Variants in CAMK1D observed in about 807,000 individuals in gnomAD.
CAMK1D encodes calcium/calmodulin-dependent protein kinase type 1D.
In CAMK1D, 9 loss-of-function variants were observed where a neutral mutation model predicts 47.7. The ratio of observed to expected loss-of-function variants is 0.19; its 90% CI spans 0.11 to 0.33. The LOEUF (loss-of-function observed/expected upper bound fraction) is 0.33. CAMK1D is among the 10% of genes least tolerant of loss of function. CAMK1D has a pLI of 1.00. For synonymous variants in CAMK1D, 184 were observed against 184.9 expected, an observed-to-expected ratio of 0.99 and a Z score of 0.04; for missense variants, 291 against 488.7, an observed-to-expected ratio of 0.60 and a Z score of 3.81.
At chr10:12,408,046 C>T (rs573018364) in intron 1 of CAMK1D, among the ~76,000 whole-genome samples, 5 of 152,136 alleles carry the variant, frequency 3.3e-5, no homozygotes, top group South Asian at 2.1e-4. Flanking sequence ...TTAGTAGAGA[C>T]GGTGTTTTAC....
intron 1 of CAMK1D, among the ~76,000 whole-genome samples, chr10:12,470,522 T>TC (rs894379968): frequency 3.0e-4 from 46 of 151,274 alleles, no homozygotes; most frequent in Non-Finnish European, 5.0e-4. Flanking sequence ...TTCTTCTTCT[T>TC]TTTTTTTTCT....
At chr10:12,680,923 G>A (rs1840972303) in intron 3 of CAMK1D, among the ~76,000 whole-genome samples, 1 of 151,640 alleles carries the variant, frequency 6.6e-6, no homozygotes, top group Admixed American at 6.6e-5. Context: ...CTGTAGCTCA[G>A]GCCTCACGCT....
chr10:12,723,095 A>G (rs1389489402), intron 3 of CAMK1D, among the ~76,000 whole-genome samples: 2 of 152,270 alleles, frequency 1.3e-5, no homozygotes, highest in African/African-American at 4.8e-5. Flanking sequence ...TGAAGAGGCT[A>G]AAGTCCCAGG....
intron 1 of CAMK1D, among the ~76,000 whole-genome samples, chr10:12,403,995 A>G (rs2131923694): frequency 6.9e-6 from 1 of 145,884 alleles, no homozygotes; most frequent in South Asian, 2.2e-4. Flanking sequence ...AAAAAAAAAA[A>G]GAAAAAAGAT....
intron 8 of CAMK1D, 106 bp from the exon 9 acceptor site, chr10:12,824,359 G>T: frequency 3.1e-6 from 3 of 964,008 alleles, no homozygotes; most frequent in South Asian, 2.8e-5. Context: ...CCCTGTCCAC[G>T]ACTGAGCCTC....
chr10:12,665,838 A>T (rs546020516), intron 2 of CAMK1D, among the ~76,000 whole-genome samples: 2 of 152,382 alleles, frequency 1.3e-5, no homozygotes, highest in South Asian at 4.1e-4. Context: ...TTGGAAATGC[A>T]GCCTTCGAGG....
At chr10:12,669,925 T>A (rs963236152) in intron 3 of CAMK1D, among the ~76,000 whole-genome samples, 1 of 152,168 alleles carries the variant, frequency 6.6e-6, no homozygotes, top group African/African-American at 2.4e-5. Flanking sequence ...TTTAAACTTT[T>A]GTATTTATAG....
chr10:12,410,055 A>T (rs1839601666), intron 1 of CAMK1D, among the ~76,000 whole-genome samples: 1 of 152,220 alleles, frequency 6.6e-6, no homozygotes, highest in Non-Finnish European at 1.5e-5. Flanking sequence ...CTATGGTTGA[A>T]TAATATTCCA....
At chr10:12,532,864 C>T (rs1835853633) in intron 1 of CAMK1D, among the ~76,000 whole-genome samples, 1 of 149,302 alleles carries the variant, frequency 6.7e-6, no homozygotes, top group African/African-American at 2.5e-5. Context: ...ATCGCATGTT[C>T]TCACCTATTT....
Position 12,749,525 on chromosome 10 carries a change from ATGTT to A in CAMK1D, c.300-11401_300-11398del, listed in dbSNP as rs751098053. Among the ~76,000 whole-genome samples, 1,219 of 135,926 alleles carry A rather than the reference ATGTT, an allele frequency of 9.0e-3. 19 individuals carry two copies. The highest frequency in any genetic ancestry group is 0.013 in the Non-Finnish European group (810 of 63,554). The allele number at this position is 135,926 out of a possible 152,430, so 89.2% of individuals were successfully genotyped here. A position where few individuals can be genotyped will look rare whatever the true frequency, so the allele number is the denominator to read the frequency against. On this transcript the variant is annotated intron_variant, in intron 3 of 10. Transcript: ENST00000619168. ...GGACTGGAACACATAGAAAGTGTGG[ATGTT>A]TGTTTGTTTGTTTGTTTGTTTTTTG...
At chr10:12,735,783 C>CT (rs11373540) in intron 3 of CAMK1D, among the ~76,000 whole-genome samples, 110,674 of 147,524 alleles carry the variant, frequency 0.75, 42,325 homozygotes, top group Non-Finnish European at 0.84. Flanking sequence ...CAGTCAGCAT[C>CT]TTTTTTTTTT....
chr10:12,491,536 CA>C (rs1442206582), intron 1 of CAMK1D, among the ~76,000 whole-genome samples: 2 of 151,844 alleles, frequency 1.3e-5, no homozygotes, highest in Non-Finnish European at 1.5e-5. Context: ...AAAATTCTAC[CA>C]GAATAGAAGA....
At chr10:12,589,225 G>C (rs1332769262) in intron 2 of CAMK1D, among the ~76,000 whole-genome samples, 2 of 152,174 alleles carry the variant, frequency 1.3e-5, no homozygotes, top group Non-Finnish European at 2.9e-5. Flanking sequence ...TGTTGCCCAG[G>C]CTGGGCTCAA....
At chr10:12,570,727 G>A (rs1353215190) in intron 2 of CAMK1D, among the ~76,000 whole-genome samples, 2 of 151,034 alleles carry the variant, frequency 1.3e-5, no homozygotes, top group African/African-American at 4.9e-5. Flanking sequence ...CACTTTGGGA[G>A]GCTGAGGAGG....
intron 6 of CAMK1D, among the ~76,000 whole-genome samples, chr10:12,805,190 T>A (rs1455058057): frequency 6.7e-6 from 1 of 150,128 alleles, no homozygotes; most frequent in African/African-American, 2.5e-5. Context: ...ACCCAGGAGG[T>A]AGAGGTTGCA....
chr10:12,443,854 T>C (rs1357733486), intron 1 of CAMK1D, among the ~76,000 whole-genome samples: 1 of 152,210 alleles, frequency 6.6e-6, no homozygotes, highest in East Asian at 1.9e-4. Flanking sequence ...GGTCTCGAAC[T>C]TTTGACCTCA....
chr10:12,385,901 C>T (rs773383917), intron 1 of CAMK1D, among the ~76,000 whole-genome samples: 17 of 151,970 alleles, frequency 1.1e-4, no homozygotes, highest in South Asian at 2.1e-4. Flanking sequence ...CGTGCGCCAC[C>T]GCGCCTGGCT....
intron 4 of CAMK1D, among the ~76,000 whole-genome samples, chr10:12,765,581 A>T (rs1002878589): frequency 2.6e-5 from 4 of 152,154 alleles, no homozygotes; most frequent in Non-Finnish European, 5.9e-5. Flanking sequence ...GAAATCTTCC[A>T]CCCGCGTGAT....
intron 2 of CAMK1D, among the ~76,000 whole-genome samples, chr10:12,628,829 C>T (rs1839298047): frequency 6.6e-6 from 1 of 152,214 alleles, no homozygotes; most frequent in African/African-American, 2.4e-5. Flanking sequence ...CTGACCTTTT[C>T]ACCGTCTTCA....
Sources: allele counts gnomAD v4.1 joint callset (sites outside exome capture counted in the v4.1 genomes callset), GRCh38; gene constraint gnomAD v4.1.1; transcripts MANE v1.5; gene names NCBI Gene and HGNC (gene_info 2026-07-23, HGNC 2026-07-21).